The following TMEM269 variants were observed in gnomAD, a reference collection of about 807,000 sequenced individuals.
TMEM269 encodes transmembrane protein 269.
In TMEM269, 12 loss-of-function variants were observed where a neutral mutation model predicts 15.8. The observed-to-expected ratio is 0.76, with a 90% confidence interval of 0.49 to 1.23. The LOEUF is 1.23. TMEM269 is among the 50% of genes most tolerant of loss of function. The pLI is 0.00. For synonymous variants in TMEM269, 93 were observed against 99.3 expected (o/e 0.94, Z 0.38); for missense variants, 211 against 245.4 (o/e 0.86, Z 0.94).
Position 42,788,804 on chromosome 1 carries a change from C to T in TMEM269, c.-98-992C>T, listed in dbSNP as rs1353122154. Among the ~76,000 whole-genome samples, 6 of 152,156 alleles carry T rather than the reference C, an allele frequency of 3.9e-5. No individual in the cohort carries two copies. Among genetic ancestry groups the T allele is most frequent in the Non-Finnish European group, 1.5e-5 (1 of 68,032 alleles). ...TCCTCTCTTTTAACTGTAGTTTCCT[C>T]ATTCATAAAATAGGGGAGAATTCTA... is the stretch of plus-strand genomic sequence containing the variant. On this transcript the variant is annotated intron_variant, in intron 1 of 5. Coordinates refer to ENST00000637012, the MANE Select transcript of TMEM269 (RefSeq NM_001354602.2). This position sits in a 1 kb window ranked among gnomAD's most constrained non-coding sequence, Gnocchi z 4.0.
intron 5 of TMEM269, 55 bp from the exon 6 acceptor site, chr1:42,798,043 A>G: frequency 6.5e-7 from 1 of 1,547,608 alleles, no homozygotes; most frequent in Non-Finnish European, 8.7e-7. Context: ...AGAGGGTAGA[A>G]AGCATAGAAG....
chr1:42,793,823 G>C, intron 4 of TMEM269, 79 bp downstream of exon 4: 7 of 1,466,696 alleles, frequency 4.8e-6, no homozygotes, highest in Non-Finnish European at 6.4e-6. Flanking sequence ...AGAAGCCTGG[G>C]GTGCAGTTAC....
chr1:42,787,628 A>AG (rs1653568687), intron 1 of TMEM269, among the ~76,000 whole-genome samples: 1 of 151,094 alleles, frequency 6.6e-6, no homozygotes, highest in African/African-American at 2.4e-5. Context: ...AAAAAAAAAA[A>AG]AAAAAAAGAA....
At position 42,798,537 on chromosome 1, in the gene TMEM269, T is replaced by G. The variant is rs544727632; in HGVS notation, c.*312T>G. The G allele has an allele frequency of 3.1e-6, 1 of 319,694 alleles. No homozygotes were observed. The highest frequency in any genetic ancestry group is 3.9e-5 in the South Asian group (1 of 25,418). 19.8% of individuals were successfully genotyped at this position (319,694 alleles called of 1,614,324 possible). A position where few individuals can be genotyped will look rare whatever the true frequency, so the allele number is the denominator to read the frequency against. ...CATTACCAGCCGGGTGACTGTGTGCTACTAAGGTCCATCCCTTGGAAAGGA... is the reference window on the plus strand; with the variant it reads ...CATTACCAGCCGGGTGACTGTGTGCGACTAAGGTCCATCCCTTGGAAAGGA... On this transcript the variant is annotated 3_prime_UTR_variant, in exon 6 of 6. Transcript: ENST00000637012.
chr1:42,788,396 C>T lies in TMEM269; in HGVS notation c.-98-1400C>T, dbSNP rs1048703027. Among the ~76,000 whole-genome samples the T allele has an allele frequency of 1.3e-5, 2 of 152,140 alleles. No homozygotes were observed. The highest frequency in any genetic ancestry group is 6.5e-5 in the Admixed American group (1 of 15,284). On this transcript the variant is annotated intron_variant, in intron 1 of 5. Transcript: ENST00000637012. This position sits in a 1 kb window ranked among gnomAD's most constrained non-coding sequence, Gnocchi z 4.0. Reference sequence around the variant, plus strand: ...TGGCTGGTACATTTGCCCCAACCAGCGGGGCTTCTCAGTTTTGGGGAGGAA... The same window carrying T: ...TGGCTGGTACATTTGCCCCAACCAGTGGGGCTTCTCAGTTTTGGGGAGGAA...
chr1:42,789,338 G>A, intron 1 of TMEM269: 1 of 1,081,170 alleles, frequency 9.2e-7, no homozygotes, highest in South Asian at 1.4e-5. Flanking sequence ...CTGTGCTTCA[G>A]AAGGAGTGAA....
At chr1:42,791,203 G>A (rs1227115573) in intron 2 of TMEM269, among the ~76,000 whole-genome samples, 1 of 152,148 alleles carries the variant, frequency 6.6e-6, no homozygotes, top group African/African-American at 2.4e-5. Context: ...CAGAAAATCA[G>A]CAAACACATA....
At position 42,798,734 on chromosome 1, in the gene TMEM269, T is replaced by G. The variant is rs1287278208; in HGVS notation, c.*509T>G. 2.8e-5 allele frequency: 2 copies of G among 71,578 alleles called. No individual in the cohort carries two copies. The highest frequency in any genetic ancestry group is 1.4e-4 in the Admixed American group (1 of 6,942). 4.4% of individuals were successfully genotyped at this position (71,578 alleles called of 1,614,324 possible). ...ATTTTGTAACTTCAACATTCTGGGT[T>G]TTTTTTTTTTTTTTTTTTTTTTTTT... is the stretch of plus-strand genomic sequence containing the variant. On this transcript the variant is annotated 3_prime_UTR_variant, in exon 6 of 6. Transcript: ENST00000637012.
chr1:42,787,606 C>CAAAAA (rs56184198), intron 1 of TMEM269, among the ~76,000 whole-genome samples: 3 of 57,552 alleles, frequency 5.2e-5, no homozygotes, highest in Admixed American at 5.4e-4. Flanking sequence ...GACTCCGTCT[C>CAAAAA]AAAAAAAAAA....
intron 4 of TMEM269, among the ~76,000 whole-genome samples, chr1:42,794,016 T>C (rs1260750186): frequency 1.3e-5 from 2 of 152,312 alleles, no homozygotes; most frequent in East Asian, 3.9e-4. Context: ...ACATTGATTC[T>C]TGGACTAGAA....
rs373210485 is a variant in TMEM269 at position 42,792,547 on chromosome 1, TG to T, written c.42-254del. On this transcript the variant is annotated intron_variant, in intron 2 of 5. Transcript: ENST00000637012. ...GATCTTAGTGATGTTCTAGGGGGTT[TG>T]GGGCACCCCTTTAAGACTGTAGATT... 2.4e-4 allele frequency among the ~76,000 whole-genome samples: 36 copies of T among 152,182 alleles called. No homozygotes were observed. In the South Asian group the frequency reaches 7.5e-3, roughly 32 times the overall value.
intron 5 of TMEM269, among the ~76,000 whole-genome samples, chr1:42,796,003 C>T (rs1310851573): frequency 1.3e-5 from 2 of 152,202 alleles, no homozygotes; most frequent in African/African-American, 2.4e-5. Flanking sequence ...TCAGGAAGAC[C>T]TGAGCCCAAG....
At chr1:42,787,000 C>A (rs1173897716) in intron 1 of TMEM269, among the ~76,000 whole-genome samples, 1 of 152,172 alleles carries the variant, frequency 6.6e-6, no homozygotes, top group Non-Finnish European at 1.5e-5. Flanking sequence ...CCTCAGTTTC[C>A]CCATCTGTAA....
intron 5 of TMEM269, among the ~76,000 whole-genome samples, chr1:42,795,222 G>T (rs746254625): frequency 3.9e-5 from 6 of 152,174 alleles, no homozygotes; most frequent in Non-Finnish European, 7.4e-5. Flanking sequence ...TCAGGCAGAG[G>T]AACAGTATGT....
intron 1 of TMEM269, among the ~76,000 whole-genome samples, chr1:42,787,602 G>A (rs1283607350): frequency 1.4e-5 from 1 of 71,846 alleles, no homozygotes; most frequent in East Asian, 4.7e-4. Context: ...GCGAGACTCC[G>A]TCTCAAAAAA....
Position 42,798,206 on chromosome 1 carries a change from G to C in TMEM269, c.593G>C (p.Cys198Ser). The part of the protein sequence containing the change: ...FPDALWGKAA[C>S]LSPQH ...GATGCTCTGTGGGGCAAGGCAGCCTGTCTTTCGCCACAGCACTGAGGAAGC... is the reference window on the plus strand; with the variant it reads ...GATGCTCTGTGGGGCAAGGCAGCCTCTCTTTCGCCACAGCACTGAGGAAGC... The change falls in exon 6 of 6, where the codon TGT (cysteine) becomes TCT (serine). Residue 198 changes from cysteine to serine, a missense_variant. Coordinates refer to ENST00000637012, the MANE Select transcript of TMEM269 (RefSeq NM_001354602.2). 6.5e-7 allele frequency: 1 copy of C among 1,547,478 alleles called. No individual in the cohort carries two copies. The highest frequency in any genetic ancestry group is 8.7e-7 in the Non-Finnish European group (1 of 1,147,018).
chr1:42,797,940 C>A lies in TMEM269; in HGVS notation c.485-158C>A. Reference sequence around the variant, plus strand: ...TAGTTACTTACCTATCTCTATTAAACTGAACTTGAAGACAGGGCTCCTGTC... The same window carrying A: ...TAGTTACTTACCTATCTCTATTAAAATGAACTTGAAGACAGGGCTCCTGTC... On this transcript the variant is annotated intron_variant, in intron 5 of 5. Transcript: ENST00000637012. The surrounding 1 kb of genome is among the most constrained non-coding windows in gnomAD (Gnocchi z 4.9). The A allele has an allele frequency of 2.5e-6, 2 of 805,582 alleles. No individual in the cohort carries two copies. Among genetic ancestry groups the A allele is most frequent in the Non-Finnish European group, 4.2e-6 (2 of 471,536 alleles). The allele number at this position is 805,582 out of a possible 1,614,324, so 49.9% of individuals were successfully genotyped here.
chr1:42,786,664 A>G (rs1304550614), intron 1 of TMEM269, among the ~76,000 whole-genome samples: 1 of 152,120 alleles, frequency 6.6e-6, no homozygotes, highest in Non-Finnish European at 1.5e-5. Flanking sequence ...TGGCAGGCTG[A>G]GCCCCTTTTC....
chr1:42,787,472 C>T (rs927566587), intron 1 of TMEM269, among the ~76,000 whole-genome samples: 23 of 151,392 alleles, frequency 1.5e-4, no homozygotes, highest in South Asian at 6.3e-4. Flanking sequence ...CGGTGGCGGG[C>T]GCCTGTAGTC....
Sources: allele counts gnomAD v4.1 joint callset (sites outside exome capture counted in the v4.1 genomes callset), GRCh38; gene constraint gnomAD v4.1.1; non-coding constraint Gnocchi (gnomAD v3.1); transcripts MANE v1.5; gene names NCBI Gene and HGNC (gene_info 2026-07-23, HGNC 2026-07-21).